The following EI24 variants were observed in gnomAD, a reference collection of about 807,000 sequenced individuals.
The protein encoded by EI24 is EI24 autophagy associated transmembrane protein.
EI24 carries 21 observed loss-of-function variants against 48.6 expected under a neutral mutation model. The ratio of observed to expected loss-of-function variants is 0.43; its 90% confidence interval spans 0.31 to 0.62. The LOEUF (loss-of-function observed/expected upper bound fraction) is 0.62. Ranked by LOEUF, EI24 falls within the 20% of genes least tolerant of loss-of-function variation. The pLI is 0.10. For synonymous variants in EI24, 114 were observed against 145.5 expected (o/e 0.78, Z 1.56); for missense variants, 280 against 410.5 (o/e 0.68, Z 2.75).
intron 3 of EI24, chr11:125,575,911 A>G: frequency 2.6e-6 from 1 of 388,472 alleles, no homozygotes; most frequent in African/African-American, 2.1e-5. Context: ...GCCTCAGCGA[A>G]CCGGCTGGCT....
Position 125,583,590 on chromosome 11 carries a change from C to T in EI24, c.930C>T (p.Tyr310=). ...ACAGACTCTTCCACAAGACAGTCTA[C>T]CTGCAGTCGGCCCTGAGCAGCTCTA... ...LSNRLFHKTV[Y]LQSALSSSTS... The change falls in exon 11 of 11, where the codon TAC becomes TAT. Residue 310 remains tyrosine (Y), a synonymous_variant. Coordinates refer to ENST00000278903, the MANE Select transcript of EI24 (RefSeq NM_004879.5). 3 of 1,612,848 alleles carry T rather than the reference C, an allele frequency of 1.9e-6. No homozygotes were observed. The highest frequency in any genetic ancestry group is 2.2e-5 in the East Asian group (1 of 44,834).
At chr11:125,576,740 G>A (rs1174626936) in intron 4 of EI24, among the ~76,000 whole-genome samples, 1 of 152,148 alleles carries the variant, frequency 6.6e-6, no homozygotes, top group Admixed American at 6.5e-5. Flanking sequence ...AGAAAAGATT[G>A]CCTACCATTT....
intron 5 of EI24, 47 bp from the exon 6 acceptor site, chr11:125,578,086 T>C: frequency 6.2e-7 from 1 of 1,610,494 alleles, no homozygotes; most frequent in Non-Finnish European, 8.5e-7. Flanking sequence ...TTTGGTCTTC[T>C]GGATTTCCAT....
Position 125,572,452 on chromosome 11 carries a change from T to G in EI24, c.-70-6T>G. The G allele has an allele frequency of 7.2e-7, 1 of 1,384,800 alleles. No individual in the cohort carries two copies. The highest frequency in any genetic ancestry group is 1.0e-6 in the Non-Finnish European group (1 of 976,912). The allele number at this position is 1,384,800 out of a possible 1,614,324, so 85.8% of individuals were successfully genotyped here. On this transcript the variant is annotated splice_polypyrimidine_tract_variant and splice_region_variant and intron_variant, in intron 1 of 10. Transcript: ENST00000278903. ...TTTGCCTCCATTATGTTCCATCTGT[T>G]TCCAGATCCTTCATGATGAGAGATT... is the stretch of plus-strand genomic sequence containing the variant.
chr11:125,572,644 C>T (rs1938574806), intron 2 of EI24, 75 bp downstream of exon 2: 3 of 1,430,348 alleles, frequency 2.1e-6, no homozygotes, highest in East Asian at 2.3e-5. Context: ...CTAGGAAATC[C>T]TTTAGGGTTT....
Position 125,583,734 on chromosome 11 carries a change from C to T in EI24, c.*51C>T, listed in dbSNP as rs1307889667. 6.3e-7 allele frequency: 1 copy of T among 1,582,952 alleles called. No homozygotes were observed. Among genetic ancestry groups the T allele is most frequent in the South Asian group, 1.2e-5 (1 of 86,920 alleles). On this transcript the variant is annotated 3_prime_UTR_variant, in exon 11 of 11. Transcript: ENST00000278903. ...GCGGGATTGGAAGAAGCTGTGGCAG[C>T]TCTTTTCCCTGTTCACCTCCCGCCT...
At position 125,579,208 on chromosome 11, in the gene EI24, C is replaced by A. The variant is rs1054568846; in HGVS notation, c.561+140C>A. ...TGGTGGGAGGTAATGATTTTTAAATCTTTTTTTCCCCACGGAAATGAGAAT... is the reference window on the plus strand; with the variant it reads ...TGGTGGGAGGTAATGATTTTTAAATATTTTTTTCCCCACGGAAATGAGAAT... On this transcript the variant is annotated intron_variant, in intron 7 of 10. Transcript: ENST00000278903. The A allele has an allele frequency of 3.8e-5, 27 of 710,514 alleles. No homozygotes were observed. The East Asian group carries it at 6.2e-4, about 16-fold the overall frequency. 44.0% of individuals were successfully genotyped at this position (710,514 alleles called of 1,614,324 possible). A position where few individuals can be genotyped will look rare whatever the true frequency, so the allele number is the denominator to read the frequency against.
intron 10 of EI24, among the ~76,000 whole-genome samples, chr11:125,582,695 G>A (rs1268781046): frequency 6.6e-6 from 1 of 152,106 alleles, no homozygotes; most frequent in Non-Finnish European, 1.5e-5. Context: ...GATAACAGTA[G>A]TAAAATATAC....
chr11:125,578,275 T>A lies in EI24; in HGVS notation c.441+18T>A. ...GGTTTCAGGTAGGTCCAGGGCAGAATGGAGTCTGGGTCCCGCAGCATGATT... is the reference window on the plus strand; with the variant it reads ...GGTTTCAGGTAGGTCCAGGGCAGAAAGGAGTCTGGGTCCCGCAGCATGATT... On this transcript the variant is annotated intron_variant, in intron 6 of 10. Coordinates refer to ENST00000278903, the MANE Select transcript of EI24 (RefSeq NM_004879.5). 1 of 1,613,784 alleles carries A rather than the reference T, an allele frequency of 6.2e-7. No homozygotes were observed. Among genetic ancestry groups the A allele is most frequent in the Non-Finnish European group, 8.5e-7 (1 of 1,179,780 alleles).
At position 125,579,065 on chromosome 11, in the gene EI24, T is replaced by G. The variant is rs1225662439; in HGVS notation, c.558T>G (p.Ile186Met). 7 of 1,561,820 alleles carry G rather than the reference T, an allele frequency of 4.5e-6. No individual in the cohort carries two copies. Among genetic ancestry groups the G allele is most frequent in the South Asian group, 2.4e-5 (2 of 84,880 alleles). Residue 186 changes from isoleucine to methionine, a missense_variant, in exon 7 of 11, where the codon ATT becomes ATG. This residue lies in a region of EI24 where 204 missense variants were observed against 294.1 expected (regional missense o/e 0.69). Coordinates refer to ENST00000278903, the MANE Select transcript of EI24 (RefSeq NM_004879.5). ...FNLLLQALFL[I>M]QGMFVSLFPI... ...TTTTGCTGCAGGCTCTTTTCCTCAT[T>G]CAGGTGAGACTGACCTTCTGGGCAT...
At position 125,579,392 on chromosome 11, in the gene EI24, G is replaced by A. The variant is rs941651209; in HGVS notation, c.561+324G>A. On this transcript the variant is annotated intron_variant, in intron 7 of 10. Transcript: ENST00000278903. The stretch of plus-strand genomic sequence containing the variant: ...AAAGAGACAGACGGGTCGGCTGGGC[G>A]CAGTAGTTCATGCCTGTGATCCCAG... 8.0e-5 allele frequency among the ~76,000 whole-genome samples: 12 copies of A among 150,906 alleles called. 1 individual carries two copies. Among genetic ancestry groups the A allele is most frequent in the African/African-American group, 2.9e-4 (12 of 40,982 alleles).
At chr11:125,577,700 T>A (rs1430830025) in intron 5 of EI24, 130 bp downstream of exon 5, 1 of 804,856 alleles carries the variant, frequency 1.2e-6, no homozygotes, top group Non-Finnish European at 1.9e-6. Context: ...TGTTGTTTTA[T>A]TCTTTTTAAA....
intron 3 of EI24, among the ~76,000 whole-genome samples, chr11:125,575,621 C>A (rs78682798): frequency 2.0e-5 from 3 of 152,018 alleles, no homozygotes; most frequent in Non-Finnish European, 4.4e-5. Flanking sequence ...AATAGAGAAT[C>A]GCAAAATATT....
intron 10 of EI24, 115 bp downstream of exon 10, chr11:125,582,535 A>G: frequency 2.6e-6 from 2 of 781,024 alleles, no homozygotes; most frequent in Admixed American, 3.1e-5. Context: ...AAATCTTAAT[A>G]TAAGGTTTAA....
intron 8 of EI24, among the ~76,000 whole-genome samples, chr11:125,580,487 A>G (rs1258368376): frequency 6.6e-6 from 1 of 152,190 alleles, no homozygotes; most frequent in Non-Finnish European, 1.5e-5. Flanking sequence ...TCTAAATTAG[A>G]GAAGTCAAAT....
intron 5 of EI24, 119 bp from the exon 6 acceptor site, chr11:125,578,014 C>A: frequency 8.3e-7 from 1 of 1,205,894 alleles, no homozygotes; most frequent in Non-Finnish European, 1.2e-6. Flanking sequence ...TAGTGATGTG[C>A]TGGCAAGAAC....
At position 125,575,334 on chromosome 11, in the gene EI24, G is replaced by C; in HGVS notation, c.114G>C (p.Glu38Asp). 1 of 1,575,832 alleles carries C rather than the reference G, an allele frequency of 6.3e-7. No individual in the cohort carries two copies. ...ATGCTCGAATCCAGCAAAAGAGAGA[G>C]GAGCAGCGTCGAAGAAGGGCAAGTA... is the stretch of plus-strand genomic sequence containing the variant. ...KLDARIQQKR[E>D]EQRRRRASSV... Residue 38 changes from glutamate (E) to aspartate (D), a missense_variant, in exon 3 of 11, where the codon GAG (glutamate) becomes GAC (aspartate). By Grantham distance (45) the Glu-to-Asp change is conservative (BLOSUM62 2). This residue lies in a region of EI24 where 204 missense variants were observed against 294.1 expected (regional missense o/e 0.69). Transcript: ENST00000278903.
At chr11:125,580,025 G>A (rs1055708276) in intron 7 of EI24, 68 bp from the exon 8 acceptor site, 6 of 1,229,494 alleles carry the variant, frequency 4.9e-6, no homozygotes, top group African/African-American at 3.0e-5. Context: ...AGTGATTGGA[G>A]AGTGACAGGT....
intron 6 of EI24, among the ~76,000 whole-genome samples, chr11:125,578,460 C>T (rs1239322950): frequency 5.1e-4 from 75 of 147,906 alleles, no homozygotes; most frequent in Admixed American, 4.6e-3. Context: ...GTGTCTGGTG[C>T]CTTTTCTTTT....
Sources: allele counts gnomAD v4.1 joint callset (sites outside exome capture counted in the v4.1 genomes callset), GRCh38; gene constraint gnomAD v4.1.1; regional missense constraint gnomAD v4.1.1; transcripts MANE v1.5; gene names NCBI Gene and HGNC (gene_info 2026-07-23, HGNC 2026-07-21).